PXDNL: variants seen among roughly 807,000 people sequenced by gnomAD.
PXDNL encodes the protein peroxidasin like, also known as probable oxidoreductase PXDNL.
A neutral mutation model predicts 150.8 loss-of-function variants in PXDNL; 145 were observed. The ratio of observed to expected loss-of-function variants is 0.96; its 90% CI spans 0.84 to 1.10. The LOEUF (loss-of-function observed/expected upper bound fraction) is 1.10, where lower values mean the gene tolerates loss of function less well. Ranked by LOEUF, PXDNL falls within the 50% of genes least tolerant of loss-of-function variation. The pLI is 0.00. For missense variants in PXDNL, 2,087 were observed against 1,873.9 expected (o/e 1.11, Z -2.10); for synonymous variants, 757 against 725.7 (o/e 1.04, Z -0.69).
At chr8:51,372,138 T>C in intron 18 of PXDNL, 57 bp from the exon 19 acceptor site, 1 of 1,331,360 alleles carries the variant, frequency 7.5e-7, no homozygotes, top group Non-Finnish European at 1.0e-6. Flanking sequence ...AGAACTCAGC[T>C]GCATGTCAAA....
intron 1 of PXDNL, among the ~76,000 whole-genome samples, chr8:51,733,793 G>A (rs1165392722): frequency 7.1e-6 from 1 of 140,352 alleles, no homozygotes; most frequent in African/African-American, 2.7e-5. Flanking sequence ...GGGTGACACA[G>A]CAAGACTCTG....
In PXDNL at chr8:51,708,986, G is replaced by T. The variant is rs542588840; in HGVS notation, c.165-54226C>A. On this transcript the variant is annotated intron_variant, in intron 1 of 22. Transcript: ENST00000356297. Reference sequence around the variant, plus strand: ...GAGGATTTGAAATGACATGTTTGGGGATTCCAGCCTTTGGGGTTTAAGCAG... The same window carrying T: ...GAGGATTTGAAATGACATGTTTGGGTATTCCAGCCTTTGGGGTTTAAGCAG... 2.0e-5 allele frequency among the ~76,000 whole-genome samples: 3 copies of T among 152,152 alleles called. No homozygotes were observed. In the South Asian group the frequency reaches 6.2e-4, roughly 32 times the overall value.
chr8:51,512,503 G>A (rs1184547167), intron 4 of PXDNL, among the ~76,000 whole-genome samples: 1 of 152,160 alleles, frequency 6.6e-6, no homozygotes, highest in Non-Finnish European at 1.5e-5. Flanking sequence ...CTGTAACAGG[G>A]AAACAGCAAA....
In PXDNL at chr8:51,404,246, G is replaced by A. The variant is rs575769534; in HGVS notation, c.3557+3821C>T. Among the ~76,000 whole-genome samples the A allele has an allele frequency of 4.6e-5, 7 of 152,364 alleles. No homozygotes were observed. The South Asian group carries it at 1.4e-3, about 32-fold the overall frequency. On this transcript the variant is annotated intron_variant, in intron 17 of 22. Transcript: ENST00000356297. Reference sequence around the variant, plus strand: ...CACACTGTCGAAAGAGACCGGAGTGGATTGCCACTGTTGGCTCAGGCAGCC... The same window carrying A: ...CACACTGTCGAAAGAGACCGGAGTGAATTGCCACTGTTGGCTCAGGCAGCC...
At chr8:51,608,613 A>G (rs28505857) in intron 2 of PXDNL, among the ~76,000 whole-genome samples, 1,496 of 140,906 alleles carry the variant, frequency 0.011, 31 homozygotes, top group Non-Finnish European at 0.014. Context: ...CAAGGCGGGC[A>G]GATCACGAGG....
intron 3 of PXDNL, among the ~76,000 whole-genome samples, chr8:51,573,203 T>C (rs2130598632): frequency 6.6e-6 from 1 of 152,100 alleles, no homozygotes; most frequent in Non-Finnish European, 1.5e-5. Flanking sequence ...CTGGGGATCC[T>C]AGATCCTCAC....
chr8:51,453,717 A>T lies in PXDNL; in HGVS notation c.1051T>A (p.Cys351Ser). The T allele has an allele frequency of 1.2e-6, 2 of 1,614,062 alleles. No homozygotes were observed. The highest frequency in any genetic ancestry group is 1.7e-6 in the Non-Finnish European group (2 of 1,179,902). The change falls in exon 10 of 23, where the codon TGT (cysteine) becomes AGT (serine). Residue 351 changes from cysteine (C) to serine (S), a missense_variant. Transcript: ENST00000356297. ...GGGTGTGGGTGGCCTGTGGCCATAC[A>T]TTCCAAAGTTGTGCTGGTGCCAATT... The part of the protein sequence containing the change: ...VLIGTSTTLE[C>S]MATGHPHPLI...
At chr8:51,521,161 G>C (rs1337859988) in intron 4 of PXDNL, among the ~76,000 whole-genome samples, 1 of 152,182 alleles carries the variant, frequency 6.6e-6, no homozygotes, top group Non-Finnish European at 1.5e-5. Flanking sequence ...AAGATCGCTT[G>C]AGCCCAGGAG....
intron 3 of PXDNL, among the ~76,000 whole-genome samples, chr8:51,568,319 A>G (rs1191314994): frequency 1.3e-5 from 2 of 151,806 alleles, no homozygotes; most frequent in East Asian, 3.9e-4. Flanking sequence ...AAATTTCCTC[A>G]ATTCTTATTT....
intron 20 of PXDNL, among the ~76,000 whole-genome samples, chr8:51,342,678 T>TC (rs1336564446): frequency 6.6e-6 from 1 of 152,100 alleles, no homozygotes; most frequent in African/African-American, 2.4e-5. Context: ...CCACGTCAGG[T>TC]CCATGTAGTT....
intron 3 of PXDNL, among the ~76,000 whole-genome samples, chr8:51,578,640 G>C (rs1267751948): frequency 6.6e-6 from 1 of 151,560 alleles, no homozygotes; most frequent in Non-Finnish European, 1.5e-5. Context: ...TTAATGGAAA[G>C]GCAAAGAATC....
intron 21 of PXDNL, among the ~76,000 whole-genome samples, chr8:51,338,284 T>G (rs950903217): frequency 6.6e-6 from 1 of 151,956 alleles, no homozygotes; most frequent in African/African-American, 2.4e-5. Flanking sequence ...AGACCACAGC[T>G]GCAGGCAGCT....
chr8:51,374,526 G>A, intron 18 of PXDNL, 71 bp downstream of exon 18: 1 of 1,469,934 alleles, frequency 6.8e-7, no homozygotes, highest in South Asian at 1.2e-5. Flanking sequence ...GAATCACAAT[G>A]TTAAACATAT....
At chr8:51,543,728 A>G (rs552849674) in intron 4 of PXDNL, among the ~76,000 whole-genome samples, 24 of 150,964 alleles carry the variant, frequency 1.6e-4, no homozygotes, top group Middle Eastern at 3.4e-3. Context: ...AAAAAAAAAA[A>G]AAAGAAAGAA....
chr8:51,785,621 T>G (rs539808583), intron 1 of PXDNL, among the ~76,000 whole-genome samples: 45 of 152,182 alleles, frequency 3.0e-4, no homozygotes, highest in Non-Finnish European at 5.3e-4. Context: ...TGATCTTTGG[T>G]GTTATCATTG....
At position 51,556,866 on chromosome 8, in the gene PXDNL, A is replaced by C. The variant is rs374428472; in HGVS notation, c.354T>G (p.Phe118Leu). Reference protein sequence around the residue: ...NEIHALDKQTFKGLISLEHLY... With the variant: ...NEIHALDKQTLKGLISLEHLY... The stretch of plus-strand genomic sequence containing the variant: ...GATGTTCCAAAGATATGAGTCCTTT[A>C]AATGTTTGCTTATCTAGTGCATGGA... The change falls in exon 4 of 23, where the codon TTT becomes TTG. Residue 118 changes from phenylalanine to leucine, a missense_variant. Phe to Leu is a conservative substitution (Grantham distance 22). Transcript: ENST00000356297. 136 of 1,582,532 alleles carry C rather than the reference A, an allele frequency of 8.6e-5. 1 individual carries two copies. The highest frequency in any genetic ancestry group is 1.2e-4 in the Admixed American group (7 of 59,754).
At chr8:51,377,685 G>A (rs1400442875) in intron 17 of PXDNL, among the ~76,000 whole-genome samples, 2 of 152,222 alleles carry the variant, frequency 1.3e-5, no homozygotes, top group South Asian at 4.1e-4. Flanking sequence ...AGGGTGCACC[G>A]GGTCCCCCAG....
chr8:51,435,400 C>T (rs1809372757), intron 12 of PXDNL, among the ~76,000 whole-genome samples: 1 of 151,292 alleles, frequency 6.6e-6, no homozygotes, highest in South Asian at 2.1e-4. Flanking sequence ...TTAGATGCAA[C>T]ATATTTGGAA....
chr8:51,479,949 AC>A (rs1230991514), intron 6 of PXDNL, among the ~76,000 whole-genome samples: 1 of 152,024 alleles, frequency 6.6e-6, no homozygotes, highest in Non-Finnish European at 1.5e-5. Flanking sequence ...CACCAAGAAG[AC>A]TGGGAAGCAG....
Sources: allele counts gnomAD v4.1 joint callset (sites outside exome capture counted in the v4.1 genomes callset), GRCh38; gene constraint gnomAD v4.1.1; transcripts MANE v1.5; gene names NCBI Gene and HGNC (gene_info 2026-07-23, HGNC 2026-07-21).